KLF8: variants seen among roughly 807,000 people sequenced by gnomAD.
KLF8 encodes the protein KLF transcription factor 8, also known as Krueppel-like factor 8.
A neutral mutation model predicts 18.2 loss-of-function variants in KLF8; 10 were observed. The observed-to-expected ratio is 0.55, with a 90% CI of 0.34 to 0.93. The LOEUF (loss-of-function observed/expected upper bound fraction) is 0.93. KLF8 is among the 40% of genes least tolerant of loss of function. KLF8 has a pLI of 0.02. For synonymous variants in KLF8, 109 were observed against 97.3 expected, an observed-to-expected ratio of 1.12 and a Z score of -0.71; for missense variants, 264 against 277.9, an observed-to-expected ratio of 0.95 and a Z score of 0.36.
the KLF8 span, among the ~76,000 whole-genome samples, chrX:56,201,994 T>C: frequency 9.0e-6 from 1 of 111,374 alleles, no homozygotes; most frequent in South Asian, 3.8e-4. Context: ...TTCAGGACTC[T>C]CTTGGGATTC....
At chrX:56,194,055 C>G in the KLF8 span, among the ~76,000 whole-genome samples, 5 of 111,477 alleles carry the variant, frequency 4.5e-5, no homozygotes, top group Non-Finnish European at 9.4e-5. Flanking sequence ...GTATTGCATC[C>G]TTGTATTAAA....
chrX:55,990,344 G>C, the KLF8 span, among the ~76,000 whole-genome samples: 2 of 112,027 alleles, frequency 1.8e-5, no homozygotes, highest in Admixed American at 9.4e-5. Context: ...ATTTAATGCT[G>C]TAAATTTCCC....
At chrX:56,010,758 T>A in the KLF8 span, among the ~76,000 whole-genome samples, 6 of 111,615 alleles carry the variant, frequency 5.4e-5, no homozygotes, top group Non-Finnish European at 1.1e-4. Flanking sequence ...AATAAAGGGA[T>A]GGAGGAAAAT....
the KLF8 span, among the ~76,000 whole-genome samples, chrX:56,137,312 T>G: frequency 9.2e-6 from 1 of 108,734 alleles, no homozygotes; most frequent in African/African-American, 3.4e-5. Context: ...ACACGTATGT[T>G]TATTGTGGTA....
the KLF8 span, among the ~76,000 whole-genome samples, chrX:55,987,002 A>G: frequency 4.3e-4 from 48 of 111,078 alleles, no homozygotes; most frequent in African/African-American, 1.3e-3. Context: ...TATATGTACC[A>G]TATTTTCTTA....
chrX:56,189,858 T>A, the KLF8 span, among the ~76,000 whole-genome samples: 1 of 64,003 alleles, frequency 1.6e-5, no homozygotes. Context: ...CATCACACTC[T>A]GGGGACTGTT....
At chrX:56,270,752 A>G (rs903066902) in intron 5 of KLF8, among the ~76,000 whole-genome samples, 1 of 111,064 alleles carries the variant, frequency 9.0e-6, no homozygotes, top group African/African-American at 3.3e-5. Context: ...AATTTAAACT[A>G]TGTGAAATTA....
At chrX:56,152,902 C>T in the KLF8 span, among the ~76,000 whole-genome samples, 1 of 112,045 alleles carries the variant, frequency 8.9e-6, no homozygotes, top group South Asian at 3.7e-4. Flanking sequence ...GCTTAAGTAA[C>T]ATGTATGAGC....
chrX:56,207,149 C>T, the KLF8 span, among the ~76,000 whole-genome samples: 1 of 112,320 alleles, frequency 8.9e-6, no homozygotes, highest in African/African-American at 3.2e-5. Flanking sequence ...TATTTTTTTC[C>T]TTTTAGGCCT....
At chrX:55,931,673 G>A in the KLF8 span, among the ~76,000 whole-genome samples, 1 of 112,004 alleles carries the variant, frequency 8.9e-6, no homozygotes, top group South Asian at 3.7e-4. Flanking sequence ...CCATGTAGTT[G>A]TGCAGTTTTG....
the KLF8 span, among the ~76,000 whole-genome samples, chrX:56,050,689 T>C: frequency 8.9e-6 from 1 of 112,264 alleles, no homozygotes; most frequent in Non-Finnish European, 1.9e-5. Flanking sequence ...TACTTCCACC[T>C]ATGTGGTCAA....
the KLF8 span, among the ~76,000 whole-genome samples, chrX:56,200,418 T>C: frequency 9.1e-6 from 1 of 110,101 alleles, no homozygotes; most frequent in Non-Finnish European, 1.9e-5. Flanking sequence ...GTTGGGAAAA[T>C]TGGACATTCA....
At chrX:55,988,544 C>T in the KLF8 span, among the ~76,000 whole-genome samples, 1 of 111,369 alleles carries the variant, frequency 9.0e-6, no homozygotes, top group Admixed American at 9.5e-5. Flanking sequence ...GGGCTCTGTT[C>T]TGTTCCATTG....
chrX:56,088,456 C>T, the KLF8 span, among the ~76,000 whole-genome samples: 1 of 111,550 alleles, frequency 9.0e-6, no homozygotes. Context: ...CTCAAACAAA[C>T]TAATAAACAA....
At chrX:56,167,043 T>G in the KLF8 span, among the ~76,000 whole-genome samples, 1 of 112,098 alleles carries the variant, frequency 8.9e-6, no homozygotes, top group African/African-American at 3.2e-5. Context: ...GGACAATGAG[T>G]GAATCTCTCC....
At chrX:55,991,185 C>T in the KLF8 span, among the ~76,000 whole-genome samples, 2 of 112,070 alleles carry the variant, frequency 1.8e-5, no homozygotes, top group Non-Finnish European at 3.8e-5. Context: ...TTGTTTATAC[C>T]TACTCAAGCC....
the KLF8 span, among the ~76,000 whole-genome samples, chrX:56,083,432 A>G: frequency 6.2e-5 from 7 of 112,239 alleles, no homozygotes; most frequent in Non-Finnish European, 1.3e-4. Flanking sequence ...TATACAGTAA[A>G]TTAATTATTA....
At chrX:55,990,869 T>C in the KLF8 span, among the ~76,000 whole-genome samples, 8 of 111,286 alleles carry the variant, frequency 7.2e-5, no homozygotes, top group Non-Finnish European at 1.1e-4. Context: ...AAGTTTTGTC[T>C]CAGAGGAGTA....
At chrX:56,134,799 T>C in the KLF8 span, among the ~76,000 whole-genome samples, 1 of 104,577 alleles carries the variant, frequency 9.6e-6, no homozygotes, top group Admixed American at 1.0e-4. Context: ...TCAAACAAAT[T>C]AGCAGGAAAA....
Sources: allele counts gnomAD v4.1 joint callset (sites outside exome capture counted in the v4.1 genomes callset), GRCh38; gene constraint gnomAD v4.1.1; transcripts MANE v1.5; gene names NCBI Gene and HGNC (gene_info 2026-07-23, HGNC 2026-07-21).